SORCS3: variants seen among roughly 807,000 people sequenced by gnomAD.
SORCS3 encodes sortilin related VPS10 domain containing receptor 3, also known as VPS10 domain-containing receptor SorCS3.
A neutral mutation model predicts 146.3 loss-of-function variants in SORCS3; 57 were observed. The ratio of observed to expected loss-of-function variants is 0.39; its 90% confidence interval spans 0.31 to 0.49. The LOEUF (loss-of-function observed/expected upper bound fraction) is 0.49, where lower values mean the gene tolerates loss of function less well. Among genes scored for constraint, SORCS3 ranks in the 20% least tolerant of loss-of-function variants. The pLI is 0.92. For synonymous variants in SORCS3, 653 were observed against 618.5 expected (o/e 1.06, Z -0.83); for missense variants, 1,341 against 1,575.5 (o/e 0.85, Z 2.52).
chr10:104,902,100 T>G (rs2018857580), intron 2 of SORCS3, among the ~76,000 whole-genome samples: 1 of 152,178 alleles, frequency 6.6e-6, no homozygotes, highest in African/African-American at 2.4e-5. Context: ...TGAAGCATTG[T>G]TTTTGGTTGG....
chr10:104,819,396 A>G (rs7900345), intron 1 of SORCS3, among the ~76,000 whole-genome samples: 6,795 of 152,008 alleles, frequency 0.045, 474 homozygotes, highest in African/African-American at 0.15. Context: ...GTTCCCATGT[A>G]TCTTCATCTC....
chr10:105,228,669 A>G (rs557735686), intron 20 of SORCS3, among the ~76,000 whole-genome samples: 1 of 152,178 alleles, frequency 6.6e-6, no homozygotes, highest in East Asian at 1.9e-4. Context: ...TGAATATGTC[A>G]TCCTATTCTC....
chr10:105,260,608 A>G (rs2056955023), intron 25 of SORCS3, among the ~76,000 whole-genome samples: 1 of 152,208 alleles, frequency 6.6e-6, no homozygotes, highest in South Asian at 2.1e-4. Context: ...AGAAGCAACT[A>G]AGTGTTTTAA....
At chr10:104,842,046 C>T (rs2018147564) in intron 1 of SORCS3, among the ~76,000 whole-genome samples, 1 of 152,222 alleles carries the variant, frequency 6.6e-6, no homozygotes. Context: ...CGCATGGGAA[C>T]AGACTGGTCA....
At chr10:105,128,482 A>G (rs1356780039) in intron 7 of SORCS3, among the ~76,000 whole-genome samples, 1 of 152,106 alleles carries the variant, frequency 6.6e-6, no homozygotes, top group African/African-American at 2.4e-5. Flanking sequence ...TAGAAAATGA[A>G]TGATTTTGTT....
chr10:105,207,772 A>G (rs2056611582), intron 16 of SORCS3, among the ~76,000 whole-genome samples: 1 of 152,230 alleles, frequency 6.6e-6, no homozygotes, highest in Non-Finnish European at 1.5e-5. Flanking sequence ...GCAAAGCAAC[A>G]TGCCTGGTGC....
intron 2 of SORCS3, among the ~76,000 whole-genome samples, chr10:104,876,910 T>C (rs908517943): frequency 2.0e-5 from 3 of 152,020 alleles, no homozygotes; most frequent in Non-Finnish European, 2.9e-5. Flanking sequence ...GGGTGGAGTA[T>C]AGCAAAGCAA....
chr10:104,705,544 T>A (rs2016327324), intron 1 of SORCS3, among the ~76,000 whole-genome samples: 1 of 152,226 alleles, frequency 6.6e-6, no homozygotes, highest in Non-Finnish European at 1.5e-5. Context: ...TACATATTAC[T>A]TAATTAAACA....
At position 105,200,127 on chromosome 10, in the gene SORCS3, C is replaced by G. The variant is rs374416435; in HGVS notation, c.2127+11C>G. 6.2e-7 allele frequency: 1 copy of G among 1,603,576 alleles called. No homozygotes were observed. The highest frequency in any genetic ancestry group is 8.5e-7 in the Non-Finnish European group (1 of 1,171,148). ...CACCTGCTCAATCAGGTACACACCC[C>G]AGGGAGTTGGAGTGCTGGCTTTGAG... On this transcript the variant is annotated intron_variant, in intron 15 of 26. Transcript: ENST00000369701.
intron 4 of SORCS3, among the ~76,000 whole-genome samples, chr10:104,982,734 C>T (rs1263345485): frequency 6.6e-6 from 1 of 152,202 alleles, no homozygotes; most frequent in Non-Finnish European, 1.5e-5. Context: ...ACCATAGAAA[C>T]ACCAGGAGGT....
chr10:105,082,512 C>T (rs1158993958), intron 5 of SORCS3, among the ~76,000 whole-genome samples: 10 of 152,278 alleles, frequency 6.6e-5, no homozygotes. Flanking sequence ...TCTTCTAACT[C>T]TATGAAGTAG....
chr10:105,096,798 C>T (rs1004776651), intron 6 of SORCS3, among the ~76,000 whole-genome samples: 1 of 152,004 alleles, frequency 6.6e-6, no homozygotes, highest in Non-Finnish European at 1.5e-5. Context: ...AATGTGCTGT[C>T]CAAATCAAGC....
chr10:105,095,233 C>T (rs1326944480), intron 6 of SORCS3, among the ~76,000 whole-genome samples: 1 of 152,178 alleles, frequency 6.6e-6, no homozygotes, highest in East Asian at 1.9e-4. Flanking sequence ...CTCTGTTTCC[C>T]TGGTCCCCGA....
rs931828582 is a variant in SORCS3, at chr10:105,057,520, G to C, written c.1028+14392G>C. 2.6e-5 allele frequency among the ~76,000 whole-genome samples: 4 copies of C among 152,116 alleles called. No individual in the cohort carries two copies. The East Asian group carries it at 7.7e-4, about 29-fold the overall frequency. ...ACCCAAACCATTGTTTTAGGAGGAT[G>C]CCACCTGGTGACCCATTGCTCTATC... On this transcript the variant is annotated intron_variant, in intron 5 of 26. Transcript: ENST00000369701.
intron 15 of SORCS3, among the ~76,000 whole-genome samples, chr10:105,200,513 G>A (rs2056568507): frequency 1.3e-5 from 2 of 152,136 alleles, no homozygotes; most frequent in African/African-American, 4.8e-5. Flanking sequence ...CCAGAGCACT[G>A]GGAACAGGTC....
At chr10:105,213,576 A>G (rs2056647322) in intron 17 of SORCS3, among the ~76,000 whole-genome samples, 1 of 152,102 alleles carries the variant, frequency 6.6e-6, no homozygotes, top group South Asian at 2.1e-4. Context: ...AGCCTTATAG[A>G]TGGTCATGTG....
At chr10:104,699,178 A>G (rs949715781) in intron 1 of SORCS3, among the ~76,000 whole-genome samples, 1 of 152,172 alleles carries the variant, frequency 6.6e-6, no homozygotes, top group Non-Finnish European at 1.5e-5. Flanking sequence ...TGGACCACCA[A>G]ATGTCTTGCA....
intron 4 of SORCS3, among the ~76,000 whole-genome samples, chr10:105,041,212 C>T (rs2055335680): frequency 6.7e-6 from 1 of 148,796 alleles, no homozygotes; most frequent in South Asian, 2.1e-4. Context: ...AGGCACTCAA[C>T]CAGCAGAATC....
chr10:104,655,184 C>T (rs945178044), intron 1 of SORCS3, among the ~76,000 whole-genome samples: 5 of 148,094 alleles, frequency 3.4e-5, no homozygotes, highest in African/African-American at 1.3e-4. Flanking sequence ...ACCGGGGAGG[C>T]GGAGGTTGCA....
Sources: gnomAD v4.1 joint callset for allele counts (sites outside exome capture counted in the v4.1 genomes callset) on GRCh38, gnomAD v4.1.1 for gene constraint, MANE v1.5 for transcripts, NCBI Gene and HGNC (gene_info 2026-07-23, HGNC 2026-07-21) for gene names.